Variants in HK1 observed in about 807,000 individuals in gnomAD.
HK1 encodes hexokinase-1.
In HK1, 28 loss-of-function variants were observed where a neutral mutation model predicts 91.6. The observed-to-expected ratio is 0.31, with a 90% CI of 0.23 to 0.42. The LOEUF (loss-of-function observed/expected upper bound fraction) is 0.42, where lower values mean the gene tolerates loss of function less well. HK1 is among the 10% of genes least tolerant of loss of function. The pLI, the probability that HK1 is intolerant of heterozygous loss-of-function variation, is 1.00. For missense variants in HK1, 770 were observed against 1,219.8 expected, an observed-to-expected ratio of 0.63 and a Z score of 5.49; for synonymous variants, 430 against 468.1, an observed-to-expected ratio of 0.92 and a Z score of 1.05.
upstream of HK1, among the ~76,000 whole-genome samples, chr10:69,312,529 G>A (rs950292545): frequency 5.9e-5 from 9 of 151,982 alleles, no homozygotes; most frequent in South Asian, 4.1e-4. Context: ...GTGAGCCACC[G>A]TGCCTGGCCA....
chr10:69,377,026 G>A lies in HK1; in HGVS notation c.968G>A (p.Arg323Gln), dbSNP rs1336775969. ...AAGGAGGGCCTCTTATTTGAAGGGCGGATCACCCCGGAGCTGCTCACCCGA... is the reference window on the plus strand; with the variant it reads ...AAGGAGGGCCTCTTATTTGAAGGGCAGATCACCCCGGAGCTGCTCACCCGA... ...MAKEGLLFEG[R>Q]ITPELLTRGK... The change falls in exon 8 of 18, where the codon CGG (arginine) becomes CAG (glutamine). Residue 323 changes from arginine (R) to glutamine (Q), a missense_variant. This residue lies in a region of HK1 where 449 missense variants were observed against 665.1 expected (regional missense o/e 0.68). Coordinates refer to ENST00000359426, the MANE Select transcript of HK1 (RefSeq NM_000188.3). 44 of 1,614,024 alleles carry A rather than the reference G, an allele frequency of 2.7e-5. No homozygotes were observed. Among genetic ancestry groups the A allele is most frequent in the Non-Finnish European group, 3.2e-5 (38 of 1,180,030 alleles).
At chr10:69,374,583 G>A (rs1041150300) in intron 7 of HK1, among the ~76,000 whole-genome samples, 25 of 152,314 alleles carry the variant, frequency 1.6e-4, no homozygotes, top group African/African-American at 4.8e-4. Context: ...AACAGGAGCC[G>A]GTCTCCATGA....
chr10:69,288,916 GC>G, intron 3 of HK1: 1 of 723,158 alleles, frequency 1.4e-6, no homozygotes, highest in Non-Finnish European at 2.4e-6. Context: ...CCTCCCAGTA[GC>G]TGGGATTACA....
In HK1 at chr10:69,401,169, C is replaced by T. The variant is rs1263761740; in HGVS notation, c.*34C>T. On this transcript the variant is annotated 3_prime_UTR_variant, in exon 18 of 18. Coordinates refer to ENST00000359426, the MANE Select transcript of HK1 (RefSeq NM_000188.3). ...GATCCCCAGCCTACTGCCTCTCCAG[C>T]ACTTCTCTCTTCAAGCGGCGACCCC... 25 of 1,605,112 alleles carry T rather than the reference C, an allele frequency of 1.6e-5. No homozygotes were observed. Among genetic ancestry groups the T allele is most frequent in the Non-Finnish European group, 2.0e-5 (24 of 1,176,792 alleles).
chr10:69,368,221 C>T (rs537264007), intron 4 of HK1, among the ~76,000 whole-genome samples: 18 of 152,350 alleles, frequency 1.2e-4, no homozygotes, highest in African/African-American at 3.4e-4. Flanking sequence ...GGTCTGGCTG[C>T]GCAGTTGGCA....
intron 2 of HK1, among the ~76,000 whole-genome samples, chr10:69,355,921 T>C (rs1849103524): frequency 1.3e-5 from 2 of 152,210 alleles, no homozygotes; most frequent in Non-Finnish European, 1.5e-5. Flanking sequence ...GGACACTGGA[T>C]ATCCACATGC....
chr10:69,328,074 G>C (rs1477331011), intron 1 of HK1, among the ~76,000 whole-genome samples: 3 of 152,160 alleles, frequency 2.0e-5, no homozygotes, highest in Non-Finnish European at 4.4e-5. Context: ...TTCCCGGGTG[G>C]ATCCGACCCG....
At chr10:69,307,855 T>A (rs999617379) in intron 5 of HK1, among the ~76,000 whole-genome samples, 2 of 152,180 alleles carry the variant, frequency 1.3e-5, no homozygotes, top group African/African-American at 4.8e-5. Context: ...TTCTTTTTTT[T>A]TGAGATGGAG....
chr10:69,348,974 T>G (rs1383791169), intron 2 of HK1, among the ~76,000 whole-genome samples: 7 of 152,104 alleles, frequency 4.6e-5, no homozygotes, highest in Non-Finnish European at 7.3e-5. Context: ...CATTAGAAAG[T>G]GGAGAATTGC....
At chr10:69,323,356 A>C (rs947888671) in intron 1 of HK1, among the ~76,000 whole-genome samples, 1 of 151,414 alleles carries the variant, frequency 6.6e-6, no homozygotes, top group Non-Finnish European at 1.5e-5. Context: ...ACCTCATCTT[A>C]AAAAAAAATT....
At chr10:69,295,549 G>A (rs915701123) in intron 3 of HK1, 5 of 906,258 alleles carry the variant, frequency 5.5e-6, no homozygotes, top group Non-Finnish European at 9.3e-6. Context: ...GAGCGTGATT[G>A]ATTAGTTATA....
intron 12 of HK1, among the ~76,000 whole-genome samples, chr10:69,385,645 T>G (rs1449723116): frequency 6.6e-6 from 1 of 152,184 alleles, no homozygotes; most frequent in Non-Finnish European, 1.5e-5. Context: ...GAGGTGGGTC[T>G]TAGGCCAGGG....
At chr10:69,308,130 C>T (rs935403636) in intron 5 of HK1, among the ~76,000 whole-genome samples, 5 of 152,158 alleles carry the variant, frequency 3.3e-5, no homozygotes, top group African/African-American at 4.8e-5. Context: ...TGAGCCACCA[C>T]GCCCCGCCTA....
At chr10:69,331,665 A>G (rs1322240268) in intron 1 of HK1, among the ~76,000 whole-genome samples, 2 of 152,220 alleles carry the variant, frequency 1.3e-5, no homozygotes, top group Non-Finnish European at 2.9e-5. Context: ...ACTTGAGCCC[A>G]GGAGCTTGAG....
intron 9 of HK1, among the ~76,000 whole-genome samples, chr10:69,381,845 C>T (rs1472073331): frequency 7.9e-5 from 12 of 152,212 alleles, no homozygotes; most frequent in Non-Finnish European, 1.2e-4. Flanking sequence ...TGAGCCACCT[C>T]GCACTTGGCC....
chr10:69,299,250 G>A (rs556905463), intron 4 of HK1, among the ~76,000 whole-genome samples: 66 of 147,446 alleles, frequency 4.5e-4, no homozygotes, highest in Non-Finnish European at 7.9e-4. Flanking sequence ...TTGGCTCACT[G>A]CAGCCTCCAC....
chr10:69,276,113 A>T (rs1564746751), intron 1 of HK1, among the ~76,000 whole-genome samples: 1 of 70,076 alleles, frequency 1.4e-5, no homozygotes, highest in East Asian at 6.1e-4. Context: ...AAAAAAAAAA[A>T]AAAAAATACA....
At chr10:69,338,043 G>T in intron 1 of HK1, 1 of 166,538 alleles carries the variant, frequency 6.0e-6, no homozygotes, top group Non-Finnish European at 1.3e-5. Flanking sequence ...CTTGGTTGGA[G>T]GGCTCTGAGC....
intron 12 of HK1, 31 bp downstream of exon 12, chr10:69,384,946 G>T (rs749105): frequency 6.2e-7 from 1 of 1,613,618 alleles, no homozygotes; most frequent in East Asian, 2.2e-5. Context: ...CTCAGTGATC[G>T]GGCAGCACTG....
Sources: gnomAD v4.1 joint callset for allele counts (sites outside exome capture counted in the v4.1 genomes callset) on GRCh38, gnomAD v4.1.1 for gene constraint, gnomAD v4.1.1 regional missense constraint, MANE v1.5 for transcripts, NCBI Gene and HGNC (gene_info 2026-07-23, HGNC 2026-07-21) for gene names.